Variants in TTF2 observed in about 807,000 individuals in gnomAD.
The protein encoded by TTF2 is RNA polymerase II termination factor.
TTF2 carries 108 observed loss-of-function variants against 142.4 expected under a neutral mutation model. The ratio of observed to expected loss-of-function variants is 0.76; its 90% CI spans 0.65 to 0.89. The LOEUF (loss-of-function observed/expected upper bound fraction) is 0.89, where lower values mean the gene tolerates loss of function less well. Ranked by LOEUF, TTF2 falls within the 40% of genes least tolerant of loss-of-function variation. TTF2 has a pLI of 0.00. For missense variants in TTF2, 1,327 were observed against 1,379.8 expected (o/e 0.96, Z 0.61); for synonymous variants, 483 against 506.2 (o/e 0.95, Z 0.61).
intron 3 of TTF2, among the ~76,000 whole-genome samples, chr1:117,064,370 C>T (rs114058181): frequency 5.3e-5 from 8 of 152,124 alleles, no homozygotes; most frequent in Non-Finnish European, 7.4e-5. Context: ...CCTGGTGGCA[C>T]ACTCCTGAAG....
rs1173102744 is a variant in TTF2 at position 117,076,835 on chromosome 1, G to A, written c.1573+12G>A. On this transcript the variant is annotated intron_variant, in intron 7 of 22. Coordinates refer to ENST00000369466, the MANE Select transcript of TTF2 (RefSeq NM_003594.4). The surrounding 1 kb of genome is among the most constrained non-coding windows in gnomAD (Gnocchi z 4.6). ...TCAGTGCTATCGAGGTAAGACCCAA[G>A]GGCCTGACCCTGCTGTGAATAGCCA... The A allele has an allele frequency of 6.2e-7, 1 of 1,602,474 alleles. No individual in the cohort carries two copies. The highest frequency in any genetic ancestry group is 8.5e-7 in the Non-Finnish European group (1 of 1,173,450).
chr1:117,095,259 G>A (rs763177652), intron 18 of TTF2, 50 bp from the exon 19 acceptor site: 3 of 1,594,060 alleles, frequency 1.9e-6, no homozygotes, highest in Admixed American at 3.3e-5. Flanking sequence ...AGGGGAGATG[G>A]AGAAAAGTGA....
At chr1:117,088,733 C>T in intron 12 of TTF2, 68 bp from the exon 13 acceptor site, 2 of 1,530,478 alleles carry the variant, frequency 1.3e-6, no homozygotes, top group Non-Finnish European at 1.8e-6. Context: ...CTGCTATTTC[C>T]CCTTGTGTCC....
intron 2 of TTF2, 22 bp downstream of exon 2, chr1:117,060,579 ACTCCCTGTGGCTGCCCGGGGC>A (rs753070098): frequency 1.5e-5 from 23 of 1,578,798 alleles, no homozygotes; most frequent in Non-Finnish European, 2.0e-5. Flanking sequence ...GCTGGGCCCC[ACTCCCTGTGGCTGCCCGGGGC>A]CTCCCGAGAG....
In TTF2 at chr1:117,084,073, C is replaced by T. The variant is rs746845626; in HGVS notation, c.1959C>T (p.Ile653=). The T allele has an allele frequency of 1.9e-6, 3 of 1,614,206 alleles. No homozygotes were observed. Among genetic ancestry groups the T allele is most frequent in the Admixed American group, 3.3e-5 (2 of 60,026 alleles). The change falls in exon 11 of 23, where the codon ATC becomes ATT. Residue 653 remains isoleucine, a synonymous_variant. Coordinates refer to ENST00000369466, the MANE Select transcript of TTF2 (RefSeq NM_003594.4). The part of the protein sequence containing the change: ...GTLIICPASL[I]HHWKNEVEKR... ...TAATCATCTGTCCTGCCTCCCTGAT[C>T]CATCATTGGAAAAATGAGGTGGAGA...
chr1:117,096,315 A>T lies in TTF2; in HGVS notation c.3186+16A>T, dbSNP rs1230556792. 1 of 1,612,894 alleles carries T rather than the reference A, an allele frequency of 6.2e-7. No homozygotes were observed. Among genetic ancestry groups the T allele is most frequent in the Admixed American group, 1.7e-5 (1 of 59,660 alleles). ...AGGCCCTCAGGTACAAGCTGGTCAC[A>T]TCAGAGCCGCATAATTAACTGTTCT... On this transcript the variant is annotated intron_variant, in intron 20 of 22. Coordinates refer to ENST00000369466, the MANE Select transcript of TTF2 (RefSeq NM_003594.4).
At position 117,090,753 on chromosome 1, in the gene TTF2, T is replaced by TC. The variant is rs1648501819; in HGVS notation, c.2588+130_2588+131insC. 3.9e-6 allele frequency: 3 copies of TC among 769,296 alleles called. No individual in the cohort carries two copies. In the East Asian group the frequency reaches 8.2e-5, roughly 21 times the overall value. 47.7% of individuals were successfully genotyped at this position (769,296 alleles called of 1,614,324 possible). Reference sequence around the variant, plus strand: ...ATTAGTTGGATGTCTGTATTCCCTTTTTTTTTTTACCCCATTTTTCTCCTT... The same window carrying TC: ...ATTAGTTGGATGTCTGTATTCCCTTTCTTTTTTTTACCCCATTTTTCTCCTT... On this transcript the variant is annotated intron_variant, in intron 15 of 22. Transcript: ENST00000369466. This position sits in a 1 kb window ranked among gnomAD's most constrained non-coding sequence, Gnocchi z 4.8.
rs529587581 is a variant in TTF2, at chr1:117,084,189, T to C, written c.2054+21T>C. 76 of 1,613,542 alleles carry C rather than the reference T, an allele frequency of 4.7e-5. 3 individuals are homozygous for C. In the South Asian group the frequency reaches 7.9e-4, roughly 17 times the overall value. Reference sequence around the variant, plus strand: ...AGAGTGTAAGTGCAGGAATACGCAGTTGTGGGGGCGTTCAGCACCTCTGCC... The same window carrying C: ...AGAGTGTAAGTGCAGGAATACGCAGCTGTGGGGGCGTTCAGCACCTCTGCC... On this transcript the variant is annotated intron_variant, in intron 11 of 22. Coordinates refer to ENST00000369466, the MANE Select transcript of TTF2 (RefSeq NM_003594.4).
chr1:117,087,943 G>A lies in TTF2; in HGVS notation c.2161-858G>A, dbSNP rs926647053. 1.1e-4 allele frequency among the ~76,000 whole-genome samples: 17 copies of A among 152,156 alleles called. No individual in the cohort carries two copies. Among genetic ancestry groups the A allele is most frequent in the East Asian group, 1.9e-4 (1 of 5,192 alleles). On this transcript the variant is annotated intron_variant, in intron 12 of 22. Transcript: ENST00000369466. This position sits in a 1 kb window ranked among gnomAD's most constrained non-coding sequence, Gnocchi z 4.8. The stretch of plus-strand genomic sequence containing the variant: ...TCCACTATGGGTCAGGTGCTGTTTC[G>A]TCAAGAGCAGCCAGATTCCCACTTC...
chr1:117,091,917 C>A lies in TTF2; in HGVS notation c.2772C>A (p.Arg924=). The part of the protein sequence containing the change: ...VHILSQLLRL[R]QCCCHLSLLK... ...TACTGTCCCAGTTGCTGAGACTCCG[C>A]CAGTGTTGCTGTCATCTTTCTTTAC... Residue 924 remains arginine (R), a synonymous_variant, in exon 17 of 23, where the codon CGC becomes CGA. Transcript: ENST00000369466. 6.2e-7 allele frequency: 1 copy of A among 1,613,132 alleles called. No individual in the cohort carries two copies. Among genetic ancestry groups the A allele is most frequent in the Non-Finnish European group, 8.5e-7 (1 of 1,179,806 alleles).
chr1:117,090,004 C>A lies in TTF2; in HGVS notation c.2343-51C>A. 6.4e-7 allele frequency: 1 copy of A among 1,571,502 alleles called. No homozygotes were observed. The highest frequency in any genetic ancestry group is 8.6e-7 in the Non-Finnish European group (1 of 1,157,946). On this transcript the variant is annotated intron_variant, in intron 13 of 22. Coordinates refer to ENST00000369466, the MANE Select transcript of TTF2 (RefSeq NM_003594.4). This position sits in a 1 kb window ranked among gnomAD's most constrained non-coding sequence, Gnocchi z 4.8. Reference sequence around the variant, plus strand: ...TCTTACTTTGAACCTTTATTCCATTCTCCCTGACTTTTCCTTCCCTACTCT... The same window carrying A: ...TCTTACTTTGAACCTTTATTCCATTATCCCTGACTTTTCCTTCCCTACTCT...
In TTF2 at chr1:117,075,198, A is replaced by C. The variant is rs2101421038; in HGVS notation, c.614A>C (p.Glu205Ala). 1 of 1,614,226 alleles carries C rather than the reference A, an allele frequency of 6.2e-7. No individual in the cohort carries two copies. Among genetic ancestry groups the C allele is most frequent in the African/African-American group, 1.3e-5 (1 of 75,044 alleles). ...GAAGAGGGAGCAGAGATTCAGTGTG[A>C]GGCAGAGACTGGAGGCACACACAAA... ...KQEEGAEIQCEAETGGTHKRD... is the reference protein window; with the variant it reads ...KQEEGAEIQCAAETGGTHKRD... The change falls in exon 5 of 23, where the codon GAG (glutamate) becomes GCG (alanine). Residue 205 changes from glutamate to alanine, a missense_variant. Glu to Ala is a moderately radical substitution (Grantham distance 107). Transcript: ENST00000369466. The surrounding 1 kb of genome is among the most constrained non-coding windows in gnomAD (Gnocchi z 4.5).
At position 117,079,930 on chromosome 1, in the gene TTF2, T is replaced by A. The variant is rs909401494; in HGVS notation, c.1783+281T>A. Among the ~76,000 whole-genome samples the A allele has an allele frequency of 6.6e-6, 1 of 151,920 alleles. No individual in the cohort carries two copies. The highest frequency in any genetic ancestry group is 2.4e-5 in the African/African-American group (1 of 41,342). On this transcript the variant is annotated intron_variant, in intron 9 of 22. Transcript: ENST00000369466. This position sits in a 1 kb window ranked among gnomAD's most constrained non-coding sequence, Gnocchi z 4.2. Reference sequence around the variant, plus strand: ...GGTGGCTCCCACAATCTCTAGGAGATACGGAGTGCCAGGCTCGAGGCCAAT... The same window carrying A: ...GGTGGCTCCCACAATCTCTAGGAGAAACGGAGTGCCAGGCTCGAGGCCAAT...
At chr1:117,078,077 A>G in intron 8 of TTF2, 34 bp downstream of exon 8, 30 of 1,600,480 alleles carry the variant, frequency 1.9e-5, no homozygotes, top group Non-Finnish European at 2.6e-5. Context: ...GTAGTCCTCT[A>G]TGACAGTGCT....
rs1425466999 is a variant in TTF2, at chr1:117,106,554, G to C, written c.*5030G>C. On this transcript the variant is annotated 3_prime_UTR_variant, in exon 23 of 23. Transcript: ENST00000369466. Reference sequence around the variant, plus strand: ...GTAAGCAAAAATGAAAAACTATCCTGTCCTCCTGAGGCTTAGCATCTAAGG... The same window carrying C: ...GTAAGCAAAAATGAAAAACTATCCTCTCCTCCTGAGGCTTAGCATCTAAGG... 6.6e-6 allele frequency: 1 copy of C among 152,216 alleles called. No individual in the cohort carries two copies. The highest frequency in any genetic ancestry group is 1.9e-4 in the East Asian group (1 of 5,206). The allele number at this position is 152,216 out of a possible 1,614,324, so 9.4% of individuals were successfully genotyped here.
chr1:117,061,824 A>G (rs1655706160), intron 2 of TTF2, among the ~76,000 whole-genome samples: 1 of 152,246 alleles, frequency 6.6e-6, no homozygotes, highest in East Asian at 1.9e-4. Context: ...TAACCAATAT[A>G]CAGGCCAAAA....
rs1469114717 is a variant in TTF2 at position 117,106,282 on chromosome 1, A to G, written c.*4758A>G. The G allele has an allele frequency of 2.6e-5, 4 of 151,794 alleles. No individual in the cohort carries two copies. The highest frequency in any genetic ancestry group is 5.9e-5 in the Non-Finnish European group (4 of 67,908). The allele number at this position is 151,794 out of a possible 1,614,324, so 9.4% of individuals were successfully genotyped here. On this transcript the variant is annotated 3_prime_UTR_variant, in exon 23 of 23. Coordinates refer to ENST00000369466, the MANE Select transcript of TTF2 (RefSeq NM_003594.4). Reference sequence around the variant, plus strand: ...GGATGGAGATAGATATGAAAAAAAAAAAAAGCAAACCCAGCCTAACTCCCA... The same window carrying G: ...GGATGGAGATAGATATGAAAAAAAAGAAAAGCAAACCCAGCCTAACTCCCA...
Position 117,075,929 on chromosome 1 carries a change from T to G in TTF2, c.1275+70T>G, listed in dbSNP as rs1656973095. ...TGTTATGGGCAGATATGAGATCTCA[T>G]TGCTACAGAAGGGTTAAATATGTTC... On this transcript the variant is annotated intron_variant, in intron 5 of 22. Coordinates refer to ENST00000369466, the MANE Select transcript of TTF2 (RefSeq NM_003594.4). This position sits in a 1 kb window ranked among gnomAD's most constrained non-coding sequence, Gnocchi z 4.5. 1 of 1,523,740 alleles carries G rather than the reference T, an allele frequency of 6.6e-7. No individual in the cohort carries two copies. The highest frequency in any genetic ancestry group is 8.8e-7 in the Non-Finnish European group (1 of 1,142,824). The allele number at this position is 1,523,740 out of a possible 1,614,324, so 94.4% of individuals were successfully genotyped here. A position where few individuals can be genotyped will look rare whatever the true frequency, so the allele number is the denominator to read the frequency against.
chr1:117,090,725 T>C lies in TTF2; in HGVS notation c.2588+102T>C. On this transcript the variant is annotated intron_variant, in intron 15 of 22. Transcript: ENST00000369466. The surrounding 1 kb of genome is among the most constrained non-coding windows in gnomAD (Gnocchi z 4.8). ...AATTTCCACAAACTTTATGGCATTA[T>C]TGATTAGTTGGATGTCTGTATTCCC... The C allele has an allele frequency of 1.0e-6, 1 of 960,142 alleles. No individual in the cohort carries two copies. Among genetic ancestry groups the C allele is most frequent in the Non-Finnish European group, 1.6e-6 (1 of 630,890 alleles). 59.5% of individuals were successfully genotyped at this position (960,142 alleles called of 1,614,324 possible).
Sources: gnomAD v4.1 joint callset for allele counts (sites outside exome capture counted in the v4.1 genomes callset) on GRCh38, gnomAD v4.1.1 for gene constraint, Gnocchi (gnomAD v3.1) non-coding constraint, MANE v1.5 for transcripts, NCBI Gene and HGNC (gene_info 2026-07-23, HGNC 2026-07-21) for gene names.